Variants in BPTF observed in about 807,000 individuals in gnomAD.
BPTF encodes the protein bromodomain PHD finger transcription factor.
In BPTF, 18 loss-of-function variants were observed where a neutral mutation model predicts 292.5. The observed-to-expected ratio is 0.06, with a 90% CI of 0.04 to 0.09. The LOEUF (loss-of-function observed/expected upper bound fraction) is 0.09, where lower values mean the gene tolerates loss of function less well. BPTF is among the 10% of genes least tolerant of loss of function. BPTF has a pLI of 1.00. For synonymous variants in BPTF, 1,225 were observed against 1,251.9 expected, an observed-to-expected ratio of 0.98 and a Z score of 0.45; for missense variants, 2,726 against 3,498.7, an observed-to-expected ratio of 0.78 and a Z score of 5.57.
chr17:67,944,413 T>C, intron 20 of BPTF, 41 bp downstream of exon 20: 1 of 1,596,958 alleles, frequency 6.3e-7, no homozygotes, highest in Non-Finnish European at 8.5e-7. Context: ...ATGTTACTAC[T>C]ACACGTGGCT....
chr17:67,956,200 T>TC (rs1244873393), intron 23 of BPTF: 10 of 150,058 alleles, frequency 6.7e-5, no homozygotes, highest in Non-Finnish European at 1.5e-4. Context: ...GCGCCTGTAG[T>TC]CCCAGCTACT....
chr17:67,951,991 G>A (rs2066408851), intron 23 of BPTF, among the ~76,000 whole-genome samples: 1 of 141,572 alleles, frequency 7.1e-6, no homozygotes, highest in Non-Finnish European at 1.5e-5. Context: ...GAAGGTGGAG[G>A]TTGCAGTGAC....
intron 4 of BPTF, among the ~76,000 whole-genome samples, chr17:67,881,863 T>TTG (rs1198676131): frequency 0.077 from 3,618 of 46,998 alleles, 429 homozygotes; most frequent in South Asian, 0.16. Context: ...TTTTTGTTTT[T>TTG]TTTTTTTTTT....
At chr17:67,899,539 T>C (rs542794541) in intron 7 of BPTF, among the ~76,000 whole-genome samples, 5 of 151,680 alleles carry the variant, frequency 3.3e-5, no homozygotes, top group African/African-American at 1.2e-4. Context: ...TTTTCTTTTT[T>C]TTTTTTTTTT....
rs776992330 is a variant in BPTF at position 67,854,274 on chromosome 17, C to T, written c.948C>T (p.Ser316=). ...CTGATCTGAAAGATAGCGTTAATTC[C>T]ACACTGTATTTCATAGATGGGATGA... is the stretch of plus-strand genomic sequence containing the variant. ...GPADLKDSVN[S]TLYFIDGMTW... is the part of the protein sequence containing the mutation. The change falls in exon 2 of 28, where the codon TCC becomes TCT. Residue 316 remains serine (S), a synonymous_variant. Coordinates refer to ENST00000306378, the MANE Select transcript of BPTF (RefSeq NM_182641.4). The surrounding 1 kb of genome is among the most constrained non-coding windows in gnomAD (Gnocchi z 5.6). 9 of 1,614,022 alleles carry T rather than the reference C, an allele frequency of 5.6e-6. No homozygotes were observed. The Admixed American group carries it at 8.3e-5, about 15-fold the overall frequency.
chr17:67,917,626 T>C (rs1171625850), intron 11 of BPTF, among the ~76,000 whole-genome samples: 1 of 151,698 alleles, frequency 6.6e-6, no homozygotes, highest in Middle Eastern at 3.4e-3. Flanking sequence ...ATTTAATTAA[T>C]TAATTAATTA....
intron 23 of BPTF, among the ~76,000 whole-genome samples, chr17:67,954,099 G>T (rs1191310010): frequency 2.0e-5 from 2 of 101,738 alleles, no homozygotes; most frequent in South Asian, 8.3e-4. Flanking sequence ...CAGTCCTTCC[G>T]CCTCAGCCTC....
intron 11 of BPTF, among the ~76,000 whole-genome samples, chr17:67,914,032 G>A (rs2062824863): frequency 6.6e-6 from 1 of 152,028 alleles, no homozygotes; most frequent in Non-Finnish European, 1.5e-5. Context: ...TAATTGAGAA[G>A]GATGGAACAT....
chr17:67,877,097 T>G (rs780638119), intron 4 of BPTF, among the ~76,000 whole-genome samples: 1 of 152,214 alleles, frequency 6.6e-6, no homozygotes, highest in Non-Finnish European at 1.5e-5. Context: ...TCATACCAGA[T>G]TTTAAAGAGG....
At chr17:67,937,812 GC>G (rs2065041834) in intron 18 of BPTF, among the ~76,000 whole-genome samples, 1 of 152,152 alleles carries the variant, frequency 6.6e-6, no homozygotes, top group Non-Finnish European at 1.5e-5. Context: ...CGCCACACTA[GC>G]TTTTCCTAAG....
At chr17:67,829,594 G>A (rs1259668316) in intron 1 of BPTF, among the ~76,000 whole-genome samples, 1 of 151,918 alleles carries the variant, frequency 6.6e-6, no homozygotes, top group Non-Finnish European at 1.5e-5. Context: ...TGGTTTTTTA[G>A]TCTGTACTTC....
At position 67,945,888 on chromosome 17, in the gene BPTF, C is replaced by G; in HGVS notation, c.7180C>G (p.Gln2394Glu). 1 of 1,614,226 alleles carries G rather than the reference C, an allele frequency of 6.2e-7. No individual in the cohort carries two copies. Among genetic ancestry groups the G allele is most frequent in the Non-Finnish European group, 8.5e-7 (1 of 1,180,044 alleles). Reference sequence around the variant, plus strand: ...ACCTTCCCAAGGCCAGCCACAGTCACAACCCCAGGTACAGTCTTCAACTCA... The same window carrying G: ...ACCTTCCCAAGGCCAGCCACAGTCAGAACCCCAGGTACAGTCTTCAACTCA... ...QIPSQGQPQSQPQVQSSTQTL... is the reference protein window; with the variant it reads ...QIPSQGQPQSEPQVQSSTQTL... The change falls in exon 21 of 28, where the codon CAA (glutamine) becomes GAA (glutamate). Residue 2394 changes from glutamine to glutamate, a missense_variant. This residue lies in a region of BPTF where 570 missense variants were observed against 633.5 expected (regional missense o/e 0.90). Coordinates refer to ENST00000306378, the MANE Select transcript of BPTF (RefSeq NM_182641.4).
chr17:67,931,250 G>C (rs2064360994), intron 17 of BPTF, among the ~76,000 whole-genome samples: 1 of 152,158 alleles, frequency 6.6e-6, no homozygotes, highest in Admixed American at 6.6e-5. Flanking sequence ...GGGCGAAAGA[G>C]CGAGATTCTG....
At position 67,928,540 on chromosome 17, in the gene BPTF, A is replaced by G. The variant is rs1255447151; in HGVS notation, c.5937A>G (p.Gln1979=). The change falls in exon 16 of 28, where the codon CAA becomes CAG. Residue 1979 remains glutamine (Q), a synonymous_variant. Coordinates refer to ENST00000306378, the MANE Select transcript of BPTF (RefSeq NM_182641.4). ...GATCTCCAGCTACAGTAACATTCCAACAAAACAAGAACTTTCATCAAACCT... is the reference window on the plus strand; with the variant it reads ...GATCTCCAGCTACAGTAACATTCCAGCAAAACAAGAACTTTCATCAAACCT... The part of the protein sequence containing the change: ...KVGSPATVTF[Q]QNKNFHQTFA... The G allele has an allele frequency of 1.9e-6, 3 of 1,614,090 alleles. No homozygotes were observed. Among genetic ancestry groups the G allele is most frequent in the Admixed American group, 3.3e-5 (2 of 59,998 alleles).
chr17:67,940,906 G>T (rs2065309468), intron 19 of BPTF, among the ~76,000 whole-genome samples: 1 of 152,092 alleles, frequency 6.6e-6, no homozygotes, highest in Non-Finnish European at 1.5e-5. Flanking sequence ...TTATTAGTTG[G>T]CTAATCTCCA....
intron 1 of BPTF, among the ~76,000 whole-genome samples, chr17:67,841,938 G>T (rs1598165563): frequency 6.6e-6 from 1 of 151,604 alleles, no homozygotes; most frequent in Non-Finnish European, 1.5e-5. Context: ...TTTATTAATT[G>T]GCTTTTGGTT....
intron 11 of BPTF, among the ~76,000 whole-genome samples, chr17:67,913,723 T>G (rs1030833108): frequency 3.3e-5 from 5 of 152,192 alleles, no homozygotes; most frequent in Non-Finnish European, 7.4e-5. Flanking sequence ...CCTTAGAAAT[T>G]TTTTTAAACC....
At chr17:67,920,324 G>A (rs1037692814) in intron 13 of BPTF, among the ~76,000 whole-genome samples, 181 bp downstream of exon 13, 8 of 152,076 alleles carry the variant, frequency 5.3e-5, no homozygotes, top group Non-Finnish European at 1.0e-4. Context: ...GACACACATC[G>A]ATGCCTATAA....
chr17:67,917,043 A>G (rs1438471167), intron 11 of BPTF, among the ~76,000 whole-genome samples: 2 of 151,876 alleles, frequency 1.3e-5, no homozygotes, highest in Non-Finnish European at 2.9e-5. Flanking sequence ...AATGTGTAAA[A>G]CGTTTAGTAC....
Sources: allele counts gnomAD v4.1 joint callset (sites outside exome capture counted in the v4.1 genomes callset), GRCh38; gene constraint gnomAD v4.1.1; regional missense constraint gnomAD v4.1.1; non-coding constraint Gnocchi (gnomAD v3.1); transcripts MANE v1.5; gene names NCBI Gene and HGNC (gene_info 2026-07-23, HGNC 2026-07-21).